Variants in CYTH1 observed in about 807,000 individuals in gnomAD.
CYTH1 encodes the protein cytohesin-1.
In CYTH1, 18 loss-of-function variants were observed where a neutral mutation model predicts 61.8. The observed-to-expected ratio is 0.29, with a 90% CI of 0.20 to 0.43. The LOEUF is 0.43. Ranked by LOEUF, CYTH1 falls within the 20% of genes least tolerant of loss-of-function variation. The pLI, the probability that CYTH1 is intolerant of heterozygous loss-of-function variation, is 1.00. For missense variants in CYTH1, 336 were observed against 510.5 expected (o/e 0.66, Z 3.29); for synonymous variants, 174 against 184.3 (o/e 0.94, Z 0.45).
chr17:78,694,635 A>T (rs2144207894), intron 10 of CYTH1, among the ~76,000 whole-genome samples: 1 of 152,200 alleles, frequency 6.6e-6, no homozygotes, highest in Non-Finnish European at 1.5e-5. Flanking sequence ...GCACAAAGGG[A>T]ACATCAACCC....
chr17:78,715,605 G>A (rs16971660), intron 1 of CYTH1, among the ~76,000 whole-genome samples: 8,092 of 152,254 alleles, frequency 0.053, 390 homozygotes, highest in South Asian at 0.15. Context: ...GATACCAACA[G>A]GCATCATTCG....
intron 1 of CYTH1, among the ~76,000 whole-genome samples, chr17:78,768,384 T>C (rs989362068): frequency 3.3e-5 from 5 of 152,040 alleles, no homozygotes; most frequent in Non-Finnish European, 7.4e-5. Flanking sequence ...ATCTCTGGAG[T>C]TGCAGGTTCA....
At chr17:78,676,868 C>T (rs2092705733) in intron 13 of CYTH1, 1 of 394,482 alleles carries the variant, frequency 2.5e-6, no homozygotes, top group Admixed American at 2.9e-5. Flanking sequence ...CTGCCATTCT[C>T]GACTTTCAAG....
At chr17:78,735,699 G>A (rs2093317296) in intron 1 of CYTH1, among the ~76,000 whole-genome samples, 1 of 152,140 alleles carries the variant, frequency 6.6e-6, no homozygotes, top group South Asian at 2.1e-4. Flanking sequence ...AGCCTAAAGA[G>A]GACACCCAAG....
At chr17:78,765,021 A>T (rs1415165579) in intron 1 of CYTH1, among the ~76,000 whole-genome samples, 1 of 152,054 alleles carries the variant, frequency 6.6e-6, no homozygotes, top group African/African-American at 2.4e-5. Flanking sequence ...TTGTCGAGAG[A>T]GTGCGGGAAC....
rs545661993 is a variant in CYTH1, at chr17:78,766,784, A to T, written c.22+15418T>A. The stretch of plus-strand genomic sequence containing the variant: ...AAAACAATGAAAAGACATAAATAGC[A>T]TATAAGGTATGTAAAAGTACAAGAC... On this transcript the variant is annotated intron_variant, in intron 1 of 13. Coordinates refer to ENST00000446868, the MANE Select transcript of CYTH1 (RefSeq NM_004762.6). 5.3e-5 allele frequency among the ~76,000 whole-genome samples: 8 copies of T among 152,328 alleles called. No individual in the cohort carries two copies. The South Asian group carries it at 1.7e-3, about 32-fold the overall frequency.
chr17:78,735,977 C>A (rs1384365), intron 1 of CYTH1, among the ~76,000 whole-genome samples: 1 of 152,192 alleles, frequency 6.6e-6, no homozygotes, highest in Non-Finnish European at 1.5e-5. Flanking sequence ...AGCTTGTCAT[C>A]CCATTACTCA....
At chr17:78,773,628 CAA>C (rs772324364) in intron 1 of CYTH1, among the ~76,000 whole-genome samples, 13 of 106,960 alleles carry the variant, frequency 1.2e-4, no homozygotes, top group East Asian at 2.6e-4. Context: ...GACTCCATCT[CAA>C]AAAAAAAAAA....
At chr17:78,680,073 T>G (rs2092742184) in intron 13 of CYTH1, 117 bp downstream of exon 13, 17 of 1,395,978 alleles carry the variant, frequency 1.2e-5, no homozygotes, top group Non-Finnish European at 1.5e-5. Flanking sequence ...GAAGCTTCCC[T>G]AAGAACTTGG....
chr17:78,722,002 G>A (rs1403782558), intron 1 of CYTH1, among the ~76,000 whole-genome samples: 3 of 152,060 alleles, frequency 2.0e-5, no homozygotes, highest in Non-Finnish European at 2.9e-5. Context: ...AGCCGAGATC[G>A]CGCCATTGCA....
At chr17:78,711,302 A>AATAT (rs139889127) in intron 1 of CYTH1, among the ~76,000 whole-genome samples, 3 of 132,250 alleles carry the variant, frequency 2.3e-5, no homozygotes, top group Admixed American at 7.3e-5. Flanking sequence ...ATAAATAAAT[A>AATAT]ATATATATAT....
At chr17:78,722,974 T>C (rs1381419489) in intron 1 of CYTH1, among the ~76,000 whole-genome samples, 1 of 152,178 alleles carries the variant, frequency 6.6e-6, no homozygotes, top group Non-Finnish European at 1.5e-5. Context: ...ACTGGCATGT[T>C]CCTAAGTCTC....
rs1359084098 is a variant in CYTH1 at position 78,675,803 on chromosome 17, T to C, written c.*288A>G. On this transcript the variant is annotated 3_prime_UTR_variant, in exon 14 of 14. Transcript: ENST00000446868. ...GCTCTGAGCTCTGCTACCAGAACAC[T>C]GAGCAGAGAAACTGGCCAGGAGGCT... The C allele has an allele frequency of 7.5e-6, 10 of 1,335,992 alleles. No homozygotes were observed. The highest frequency in any genetic ancestry group is 3.0e-5 in the African/African-American group (2 of 67,742). The allele number at this position is 1,335,992 out of a possible 1,614,324, so 82.8% of individuals were successfully genotyped here.
intron 1 of CYTH1, among the ~76,000 whole-genome samples, chr17:78,719,148 C>T (rs1435427824): frequency 6.6e-6 from 1 of 152,218 alleles, no homozygotes; most frequent in Admixed American, 6.5e-5. Context: ...GACTGCCACT[C>T]TACAGGGAGT....
chr17:78,759,387 G>A (rs2093413644), intron 1 of CYTH1, among the ~76,000 whole-genome samples: 2 of 152,156 alleles, frequency 1.3e-5, no homozygotes, highest in South Asian at 4.1e-4. Flanking sequence ...GTCTTTTTAG[G>A]TTGCTTCCTC....
At chr17:78,759,538 A>C (rs1317528137) in intron 1 of CYTH1, among the ~76,000 whole-genome samples, 7 of 152,252 alleles carry the variant, frequency 4.6e-5, no homozygotes, top group Non-Finnish European at 1.0e-4. Context: ...TAAAGTGGGT[A>C]GGTAGCTATA....
intron 1 of CYTH1, among the ~76,000 whole-genome samples, chr17:78,742,164 T>C (rs1027036810): frequency 6.6e-6 from 1 of 152,238 alleles, no homozygotes. Context: ...TTTCTCTAAG[T>C]GGGCTTAAGA....
chr17:78,698,098 T>C lies in CYTH1; in HGVS notation c.811+171A>G, dbSNP rs374348786. Reference sequence around the variant, plus strand: ...CACCCCCTTTCCTACATGGTGCGTGTGTGTCCATGAATGTGTGTGAACATG... The same window carrying C: ...CACCCCCTTTCCTACATGGTGCGTGCGTGTCCATGAATGTGTGTGAACATG... On this transcript the variant is annotated intron_variant, in intron 9 of 13. Transcript: ENST00000446868. 1.4e-3 allele frequency among the ~76,000 whole-genome samples: 214 copies of C among 152,332 alleles called. 10 individuals carry two copies. In the South Asian group the frequency reaches 0.043, roughly 31 times the overall value.
chr17:78,702,743 T>G lies in CYTH1; in HGVS notation c.171-139A>C. The G allele has an allele frequency of 4.5e-6, 4 of 889,496 alleles. No individual in the cohort carries two copies. In the South Asian group the frequency reaches 6.4e-5, roughly 14 times the overall value. The allele number at this position is 889,496 out of a possible 1,614,324, so 55.1% of individuals were successfully genotyped here. A position where few individuals can be genotyped will look rare whatever the true frequency, so the allele number is the denominator to read the frequency against. ...CAACAGGCATAATCTGGTGGAACTATGAAAGGCCAACTGAAACCTGAAGCC... is the reference window on the plus strand; with the variant it reads ...CAACAGGCATAATCTGGTGGAACTAGGAAAGGCCAACTGAAACCTGAAGCC... On this transcript the variant is annotated intron_variant, in intron 3 of 13. Coordinates refer to ENST00000446868, the MANE Select transcript of CYTH1 (RefSeq NM_004762.6).
Sources: gnomAD v4.1 joint callset for allele counts (sites outside exome capture counted in the v4.1 genomes callset) on GRCh38, gnomAD v4.1.1 for gene constraint, MANE v1.5 for transcripts, NCBI Gene and HGNC (gene_info 2026-07-23, HGNC 2026-07-21) for gene names.